RIMS2: variants seen among roughly 807,000 people sequenced by gnomAD.
RIMS2 encodes the protein regulating synaptic membrane exocytosis protein 2.
RIMS2 carries 59 observed loss-of-function variants against 174.4 expected under a neutral mutation model. The observed-to-expected ratio is 0.34, with a 90% CI of 0.27 to 0.42. The LOEUF (loss-of-function observed/expected upper bound fraction) is 0.42. Ranked by LOEUF, RIMS2 falls within the 10% of genes least tolerant of loss-of-function variation. RIMS2 has a pLI of 1.00. For synonymous variants in RIMS2, 606 were observed against 572.5 expected (o/e 1.06, Z -0.84); for missense variants, 1,620 against 1,666.3 (o/e 0.97, Z 0.48).
chr8:103,691,764 G>C (rs369406227), intron 1 of RIMS2, among the ~76,000 whole-genome samples: 9 of 152,184 alleles, frequency 5.9e-5, no homozygotes, highest in African/African-American at 2.2e-4. Context: ...TTGGTTTCTG[G>C]GGATCAAAGA....
intron 17 of RIMS2, among the ~76,000 whole-genome samples, chr8:104,007,755 C>T (rs1228278536): frequency 6.6e-6 from 1 of 152,078 alleles, no homozygotes; most frequent in Admixed American, 6.6e-5. Flanking sequence ...ATGTTGAGAT[C>T]ATATGATCAG....
intron 1 of RIMS2, among the ~76,000 whole-genome samples, chr8:103,532,211 T>A (rs1476449476): frequency 6.6e-6 from 1 of 152,200 alleles, no homozygotes; most frequent in African/African-American, 2.4e-5. Context: ...ACTTCCCACT[T>A]ATTACACCAT....
At chr8:103,602,752 C>T (rs966581739) in intron 1 of RIMS2, among the ~76,000 whole-genome samples, 2 of 152,150 alleles carry the variant, frequency 1.3e-5, no homozygotes, top group Non-Finnish European at 2.9e-5. Flanking sequence ...GTGAATAGTG[C>T]TGCAATGACC....
chr8:103,559,513 C>T (rs962501586), intron 1 of RIMS2: 1 of 245,150 alleles, frequency 4.1e-6, no homozygotes, highest in African/African-American at 2.4e-5. Context: ...GGGAGCAGGA[C>T]TGAGAACAAT....
intron 19 of RIMS2, among the ~76,000 whole-genome samples, chr8:104,166,962 C>T (rs1344327432): frequency 6.6e-6 from 1 of 152,130 alleles, no homozygotes. Flanking sequence ...TTATTTCATT[C>T]CGTTTTATGG....
intron 3 of RIMS2, among the ~76,000 whole-genome samples, chr8:103,881,869 G>T (rs2099168848): frequency 6.6e-6 from 1 of 151,372 alleles, no homozygotes; most frequent in Admixed American, 6.6e-5. Context: ...TCGATATTAG[G>T]TAAATATAAA....
At chr8:104,107,892 C>A (rs1162875543) in intron 19 of RIMS2, among the ~76,000 whole-genome samples, 3 of 152,132 alleles carry the variant, frequency 2.0e-5, no homozygotes, top group African/African-American at 7.2e-5. Context: ...CAAACCGTTG[C>A]ATTCCAGTCT....
intron 4 of RIMS2, among the ~76,000 whole-genome samples, chr8:103,893,165 A>T (rs1565162230): frequency 6.6e-6 from 1 of 152,116 alleles, no homozygotes; most frequent in South Asian, 2.1e-4. Context: ...GCTAAAATAT[A>T]TCAAATGTCA....
chr8:103,834,696 CTTTCTT>C (rs887768016), intron 3 of RIMS2, among the ~76,000 whole-genome samples: 1 of 78,760 alleles, frequency 1.3e-5, no homozygotes, highest in Non-Finnish European at 2.4e-5. Context: ...TTCTTTCTTT[CTTTCTT>C]TCTTTCTTTC....
chr8:103,704,366 G>GT (rs773151211), intron 2 of RIMS2, among the ~76,000 whole-genome samples: 1 of 151,666 alleles, frequency 6.6e-6, no homozygotes, highest in East Asian at 1.9e-4. Context: ...TTGCTAGAAT[G>GT]TTTTTGAAGA....
intron 1 of RIMS2, among the ~76,000 whole-genome samples, chr8:103,647,330 G>A (rs2096357926): frequency 6.6e-6 from 1 of 151,876 alleles, no homozygotes; most frequent in African/African-American, 2.4e-5. Flanking sequence ...CCAGGTTTTG[G>A]TATCAATGTG....
intron 15 of RIMS2, 139 bp downstream of exon 17, chr8:103,961,272 A>G: frequency 1.7e-6 from 1 of 583,258 alleles, no homozygotes; most frequent in South Asian, 2.3e-5. Context: ...ACCTATGACA[A>G]CTTAAACCCC....
intron 5 of RIMS2, among the ~76,000 whole-genome samples, chr8:103,911,707 G>A (rs375379498): frequency 1.3e-5 from 2 of 151,916 alleles, no homozygotes; most frequent in Non-Finnish European, 2.9e-5. Flanking sequence ...TTTTCTTCCC[G>A]TGAATTTTTA....
chr8:103,881,711 T>C (rs574624738), intron 3 of RIMS2, among the ~76,000 whole-genome samples: 57 of 151,488 alleles, frequency 3.8e-4, no homozygotes, highest in Non-Finnish European at 5.0e-4. Context: ...CAAACAATTG[T>C]AAGCAAGGAA....
In RIMS2 at chr8:104,181,538, G is replaced by A. The variant is rs112911801; in HGVS notation, c.3335-63378G>A. On this transcript the variant is annotated intron_variant, in intron 19 of 23. Transcript: ENST00000504942. ...AACTGTACTACTGAGTCCATTAAAA[G>A]AGCTATAATTATGGTAAAAATTTTG... Among the ~76,000 whole-genome samples the A allele has an allele frequency of 3.3e-5, 5 of 151,602 alleles. 1 individual carries two copies. Among genetic ancestry groups the A allele is most frequent in the African/African-American group, 9.7e-5 (4 of 41,440 alleles).
intron 19 of RIMS2, among the ~76,000 whole-genome samples, chr8:104,181,536 A>C (rs1040804167): frequency 1.3e-4 from 20 of 151,760 alleles, no homozygotes; most frequent in Admixed American, 7.2e-4. Context: ...AGTCCATTAA[A>C]AGAGCTATAA....
intron 19 of RIMS2, among the ~76,000 whole-genome samples, chr8:104,077,712 A>T (rs1398093945): frequency 7.0e-6 from 1 of 142,922 alleles, no homozygotes; most frequent in Admixed American, 6.8e-5. Context: ...GGTATGAGTA[A>T]GTGTATGTGT....
chr8:104,249,502 G>A, exon 22 of RIMS2: 8 of 1,603,348 alleles, frequency 5.0e-6, no homozygotes, highest in Non-Finnish European at 6.8e-6. Flanking sequence ...ATTCAGGTAG[G>A]AATGATGGAC....
intron 1 of RIMS2, among the ~76,000 whole-genome samples, chr8:103,517,193 G>A (rs1263291596): frequency 1.3e-5 from 2 of 152,110 alleles, no homozygotes; most frequent in Admixed American, 6.6e-5. Flanking sequence ...CAGAGGAAGG[G>A]GCTAGTATAC....
Sources: gnomAD v4.1 joint callset for allele counts (sites outside exome capture counted in the v4.1 genomes callset) on GRCh38, gnomAD v4.1.1 for gene constraint, MANE v1.5 for transcripts, NCBI Gene and HGNC (gene_info 2026-07-23, HGNC 2026-07-21) for gene names.